Variants in PES1 observed in about 807,000 individuals in gnomAD.
The protein encoded by PES1 is pescadillo ribosomal biogenesis factor 1.
A neutral mutation model predicts 77.1 loss-of-function variants in PES1; 31 were observed. The ratio of observed to expected loss-of-function variants is 0.40; its 90% confidence interval spans 0.30 to 0.54. PES1 has a LOEUF of 0.54. PES1 is among the 20% of genes least tolerant of loss of function. The pLI, the probability that PES1 is intolerant of heterozygous loss-of-function variation, is 0.45. For missense variants in PES1, 658 were observed against 771.7 expected (o/e 0.85, Z 1.75); for synonymous variants, 282 against 303.0 (o/e 0.93, Z 0.72).
At chr22:30,581,773 C>A in intron 6 of PES1, 129 bp from the exon 7 acceptor site, 1 of 682,864 alleles carries the variant, frequency 1.5e-6, no homozygotes, top group South Asian at 1.7e-5. Context: ...AGGCTCTGCC[C>A]TTAAGGCGCT....
chr22:30,584,628 C>A lies in PES1; in HGVS notation c.458G>T (p.Cys153Phe). The change falls in exon 5 of 15, where the codon TGC (cysteine) becomes TTC (phenylalanine). Residue 153 changes from cysteine (C) to phenylalanine (F), a missense_variant. By Grantham distance (205) the Cys-to-Phe change is radical (BLOSUM62 -2). Coordinates refer to ENST00000354694, the MANE Select transcript of PES1 (RefSeq NM_014303.4). ...GCACAGCTGAATGGTCTGCACGTGG[C>A]ACTTGCCAGTCCGCGGGAAGGTGGA... ...LFSTFPRTGK[C>F]HVQTIQLCRR... The A allele has an allele frequency of 2.5e-6, 4 of 1,613,908 alleles. No individual in the cohort carries two copies. The highest frequency in any genetic ancestry group is 3.4e-6 in the Non-Finnish European group (4 of 1,179,972).
intron 4 of PES1, chr22:30,585,336 C>T (rs1244983488): frequency 2.1e-6 from 1 of 471,472 alleles, no homozygotes; most frequent in Admixed American, 2.3e-5. Flanking sequence ...ACGAAGCCAA[C>T]AAGGATGAGC....
chr22:30,585,154 TC>T (rs2087059816), intron 4 of PES1: 1 of 421,240 alleles, frequency 2.4e-6, no homozygotes. Context: ...GGGGGCTGCT[TC>T]CCCTCAGCAG....
chr22:30,596,944 C>T (rs889238658), intron 2 of PES1, among the ~76,000 whole-genome samples: 4 of 152,312 alleles, frequency 2.6e-5, no homozygotes, highest in East Asian at 3.9e-4. Context: ...TTGGCGGGCC[C>T]GCACTCGGAG....
chr22:30,579,199 C>A lies in PES1; in HGVS notation c.1459G>T (p.Gly487Cys). ...CGGGCCTCTTCCTCCTTTTCTGAAC[C>A]AGCCTCTGCATCTTCCTCCTCCTCC... ...NEEEEEDAEAGSEKEEEARLA... is the reference protein window; with the variant it reads ...NEEEEEDAEACSEKEEEARLA... Residue 487 changes from glycine (G) to cysteine (C), a missense_variant, in exon 13 of 15, where the codon GGT becomes TGT. Gly to Cys is a radical substitution (Grantham distance 159, BLOSUM62 -3). Transcript: ENST00000354694. The A allele has an allele frequency of 6.2e-7, 1 of 1,607,674 alleles. No homozygotes were observed. The highest frequency in any genetic ancestry group is 1.1e-5 in the South Asian group (1 of 90,928).
At chr22:30,577,922 C>T (rs2086927275) in intron 14 of PES1, among the ~76,000 whole-genome samples, 1 of 152,212 alleles carries the variant, frequency 6.6e-6, no homozygotes, top group African/African-American at 2.4e-5. Context: ...AACTGGAGAA[C>T]AATCTAATCC....
chr22:30,580,964 C>A (rs1293349059), intron 9 of PES1, 48 bp downstream of exon 9: 1 of 1,518,870 alleles, frequency 6.6e-7, no homozygotes, highest in Non-Finnish European at 9.1e-7. Flanking sequence ...GGAAACCCCC[C>A]ACACGACCCC....
intron 2 of PES1, among the ~76,000 whole-genome samples, chr22:30,600,509 C>T (rs1438677910): frequency 1.3e-5 from 2 of 151,976 alleles, no homozygotes; most frequent in East Asian, 1.9e-4. Context: ...AAAGCGAGGT[C>T]CTGTCTCTAT....
Position 30,579,930 on chromosome 22 carries a change from T to C in PES1, c.1175A>G (p.Tyr392Cys). ...GQQTSVIGRC[Y>C]VQPQWVFDSV... The stretch of plus-strand genomic sequence containing the variant: ...GTCAAACACCCACTGGGGCTGCACG[T>C]AGCACCTGGCGCAGAGTGGCAGGCA... The change falls in exon 12 of 15, where the codon TAC (tyrosine) becomes TGC (cysteine). Residue 392 changes from tyrosine (Y) to cysteine (C), a missense_variant. By Grantham distance (194) the Tyr-to-Cys change is radical. Coordinates refer to ENST00000354694, the MANE Select transcript of PES1 (RefSeq NM_014303.4). The C allele has an allele frequency of 1.2e-6, 2 of 1,613,726 alleles. No individual in the cohort carries two copies. The highest frequency in any genetic ancestry group is 1.7e-6 in the Non-Finnish European group (2 of 1,179,730).
intron 1 of PES1, among the ~76,000 whole-genome samples, chr22:30,606,401 A>T (rs148323804): frequency 4.0e-5 from 6 of 151,554 alleles, no homozygotes; most frequent in African/African-American, 1.2e-4. Flanking sequence ...AGGCTAATTT[A>T]TGGTTTTTTG....
At chr22:30,583,007 G>C (rs765256120) in intron 6 of PES1, among the ~76,000 whole-genome samples, 3 of 152,234 alleles carry the variant, frequency 2.0e-5, no homozygotes, top group Non-Finnish European at 4.4e-5. Flanking sequence ...GAGGAAAGGG[G>C]AATGCGTGGC....
chr22:30,597,378 A>G (rs9609006), intron 2 of PES1, among the ~76,000 whole-genome samples: 86 of 33,834 alleles, frequency 2.5e-3, no homozygotes, highest in Middle Eastern at 0.011. Flanking sequence ...AAGGGATTGT[A>G]AATACACCAA....
chr22:30,592,288 T>G (rs2087194423), upstream of PES1: 2 of 993,872 alleles, frequency 2.0e-6, no homozygotes, highest in East Asian at 2.2e-4. Flanking sequence ...TTGCTAAGCG[T>G]CGTCAGACTT....
At position 30,584,488 on chromosome 22, in the gene PES1, C is replaced by T. The variant is rs763839148; in HGVS notation, c.541-34G>A. On this transcript the variant is annotated intron_variant, in intron 5 of 14. Transcript: ENST00000354694. The stretch of plus-strand genomic sequence containing the variant: ...GAGGAGGAGACATCTGGGTGAAGAC[C>T]ATGGGGTGGCAGGAGAGGGGGCAGG... 3.3e-5 allele frequency: 53 copies of T among 1,609,166 alleles called. No homozygotes were observed. In the South Asian group the frequency reaches 5.6e-4, roughly 17 times the overall value.
intron 1 of PES1, among the ~76,000 whole-genome samples, chr22:30,606,122 CT>C (rs1327367761): frequency 6.6e-6 from 1 of 152,164 alleles, no homozygotes; most frequent in Non-Finnish European, 1.5e-5. Flanking sequence ...GATGAGGAAT[CT>C]TTTGTTCTCT....
chr22:30,579,278 C>A lies in PES1; in HGVS notation c.1380G>T (p.Glu460Asp). ...CTTCGTTGTTGTCGTCCTCTTCCTC[C>A]TCCTCTTCTGACTCATTCAGGTTTC... Reference protein sequence around the residue: ...DPGNLNESEEEEEEDDNNEGD... With the variant: ...DPGNLNESEEDEEEDDNNEGD... The change falls in exon 13 of 15, where the codon GAG (glutamate) becomes GAT (aspartate). Residue 460 changes from glutamate to aspartate, a missense_variant. Glu to Asp is a conservative substitution (Grantham distance 45). Transcript: ENST00000354694. 6.2e-7 allele frequency: 1 copy of A among 1,601,242 alleles called. No homozygotes were observed. Among genetic ancestry groups the A allele is most frequent in the South Asian group, 1.1e-5 (1 of 91,082 alleles).
Position 30,581,653 on chromosome 22 carries a change from C to T in PES1, c.631-9G>A. 1 of 1,583,288 alleles carries T rather than the reference C, an allele frequency of 6.3e-7. No homozygotes were observed. Among genetic ancestry groups the T allele is most frequent in the Non-Finnish European group, 8.7e-7 (1 of 1,153,264 alleles). The stretch of plus-strand genomic sequence containing the variant: ...TCCACGTCTGTCGGGTGCTGGGGAA[C>T]ACAAGAGATGCATGAGCAGTGTGGG... On this transcript the variant is annotated splice_polypyrimidine_tract_variant and intron_variant, in intron 6 of 14. Transcript: ENST00000354694.
intron 14 of PES1, among the ~76,000 whole-genome samples, chr22:30,577,918 A>G (rs546015297): frequency 1.3e-5 from 2 of 152,348 alleles, no homozygotes; most frequent in East Asian, 3.9e-4. Context: ...CTGAAACTGG[A>G]GAACAATCTA....
intron 1 of PES1, among the ~76,000 whole-genome samples, chr22:30,590,499 C>A (rs561994965): frequency 6.6e-5 from 10 of 152,298 alleles, no homozygotes; most frequent in African/African-American, 2.2e-4. Flanking sequence ...GTATTAGGCC[C>A]ATGCTAAGTC....
Sources: gnomAD v4.1 joint callset for allele counts (sites outside exome capture counted in the v4.1 genomes callset) on GRCh38, gnomAD v4.1.1 for gene constraint, MANE v1.5 for transcripts, NCBI Gene and HGNC (gene_info 2026-07-23, HGNC 2026-07-21) for gene names.